The following GFRA2 variants were observed in gnomAD, a reference collection of about 807,000 sequenced individuals.
GFRA2 encodes GDNF family receptor alpha 2, also known as GDNF family receptor alpha-2.
A neutral mutation model predicts 48.3 loss-of-function variants in GFRA2; 17 were observed. That is an observed-to-expected ratio of 0.35 (90% confidence interval 0.24 to 0.53). The LOEUF is 0.53. Among genes scored for constraint, GFRA2 ranks in the 20% least tolerant of loss-of-function variants. The pLI is 0.93. For missense variants in GFRA2, 660 were observed against 637.3 expected (o/e 1.04, Z -0.38); for synonymous variants, 305 against 257.2 (o/e 1.19, Z -1.78).
At chr8:21,737,663 C>A (rs906898330) in intron 4 of GFRA2, among the ~76,000 whole-genome samples, 2 of 152,160 alleles carry the variant, frequency 1.3e-5, no homozygotes, top group African/African-American at 4.8e-5. Flanking sequence ...CCTGCCTCCC[C>A]CTCCTGTCCT....
intron 4 of GFRA2, among the ~76,000 whole-genome samples, chr8:21,723,307 G>T (rs1803693955): frequency 6.6e-6 from 1 of 152,142 alleles, no homozygotes; most frequent in South Asian, 2.1e-4. Flanking sequence ...TTCTACTGGG[G>T]TCTCTCTCAC....
upstream of GFRA2, among the ~76,000 whole-genome samples, chr8:21,791,382 C>T (rs370422506): frequency 2.0e-5 from 3 of 152,282 alleles, 1 homozygote; most frequent in African/African-American, 7.2e-5. Flanking sequence ...CAGCATTCAG[C>T]TTGTGTGACT....
chr8:21,720,686 T>G (rs965790839), intron 4 of GFRA2, among the ~76,000 whole-genome samples: 1 of 152,218 alleles, frequency 6.6e-6, no homozygotes, highest in Non-Finnish European at 1.5e-5. Context: ...CTTCCCTTGC[T>G]GAGAAAGCCT....
intron 3 of GFRA2, among the ~76,000 whole-genome samples, chr8:21,753,098 C>T (rs938004397): frequency 6.6e-6 from 1 of 152,180 alleles, no homozygotes; most frequent in African/African-American, 2.4e-5. Flanking sequence ...GGCTCCAAAG[C>T]CCCCCTTGGA....
chr8:21,766,515 G>A (rs1327705082), intron 3 of GFRA2, among the ~76,000 whole-genome samples: 1 of 151,698 alleles, frequency 6.6e-6, no homozygotes, highest in African/African-American at 2.4e-5. Context: ...AGCTCCCCGA[G>A]TTAGCGCGGA....
chr8:21,799,312 G>A (rs980869517), intron 2 of GFRA2, among the ~76,000 whole-genome samples: 3 of 151,910 alleles, frequency 2.0e-5, no homozygotes, highest in African/African-American at 7.3e-5. Flanking sequence ...CCGCCTCCTG[G>A]GTTCACGCCA....
At chr8:21,736,561 T>C (rs973196603) in intron 4 of GFRA2, among the ~76,000 whole-genome samples, 2 of 152,054 alleles carry the variant, frequency 1.3e-5, no homozygotes, top group African/African-American at 4.8e-5. Context: ...AGTGGCAAGA[T>C]CATAGCTCAC....
chr8:21,718,364 G>A (rs1803435100), intron 4 of GFRA2, among the ~76,000 whole-genome samples: 1 of 152,200 alleles, frequency 6.6e-6, no homozygotes, highest in Admixed American at 6.5e-5. Flanking sequence ...GGAACCGTAA[G>A]TCCGGTTAAA....
At chr8:21,762,241 C>G (rs1467529188) in intron 3 of GFRA2, among the ~76,000 whole-genome samples, 2 of 152,132 alleles carry the variant, frequency 1.3e-5, no homozygotes, top group Non-Finnish European at 2.9e-5. Flanking sequence ...GAACACCATA[C>G]CATCTAGCTG....
intron 4 of GFRA2, among the ~76,000 whole-genome samples, chr8:21,725,753 C>T (rs991659228): frequency 6.6e-6 from 1 of 152,144 alleles, no homozygotes; most frequent in African/African-American, 2.4e-5. Flanking sequence ...AAGTGTGGGG[C>T]CTGGACTTGA....
At chr8:21,760,403 G>A (rs1805845498) in intron 3 of GFRA2, among the ~76,000 whole-genome samples, 1 of 152,160 alleles carries the variant, frequency 6.6e-6, no homozygotes, top group Non-Finnish European at 1.5e-5. Flanking sequence ...AACCCATTCT[G>A]CATATAATTT....
At chr8:21,776,972 C>G (rs1250123168) in intron 2 of GFRA2, among the ~76,000 whole-genome samples, 1 of 152,170 alleles carries the variant, frequency 6.6e-6, no homozygotes, top group Admixed American at 6.5e-5. Flanking sequence ...ATCACTTTTA[C>G]AATAAAAATA....
intron 4 of GFRA2, among the ~76,000 whole-genome samples, chr8:21,743,475 T>C (rs1804852442): frequency 6.6e-6 from 1 of 152,194 alleles, no homozygotes; most frequent in African/African-American, 2.4e-5. Flanking sequence ...CAATTGTAGC[T>C]ACAATGGTAG....
At chr8:21,720,338 T>C (rs1455448754) in intron 4 of GFRA2, among the ~76,000 whole-genome samples, 1 of 152,138 alleles carries the variant, frequency 6.6e-6, no homozygotes, top group African/African-American at 2.4e-5. Context: ...GGGTATAGCC[T>C]AGGCCAACTC....
Position 21,774,979 on chromosome 8 carries a change from G to T in GFRA2, c.432C>A (p.Ile144=), listed in dbSNP as rs1806624625. Reference sequence around the variant, plus strand: ...CAGTGCGAGCTCACTTACCTGAGAAGATTGAAGCAAGCCTGAAGATGTCCG... The same window carrying T: ...CAGTGCGAGCTCACTTACCTGAGAATATTGAAGCAAGCCTGAAGATGTCCG... ...RLSDIFRLAS[I]FSGTGADPVV... is the part of the protein sequence containing the mutation. The change falls in exon 3 of 9, where the codon ATC becomes ATA. Residue 144 remains isoleucine (I), a synonymous_variant. Coordinates refer to ENST00000524240, the MANE Select transcript of GFRA2 (RefSeq NM_001495.5). The T allele has an allele frequency of 1.9e-6, 3 of 1,585,730 alleles. No individual in the cohort carries two copies. Among genetic ancestry groups the T allele is most frequent in the Admixed American group, 1.7e-5 (1 of 59,950 alleles).
chr8:21,720,563 G>T (rs1803545882), intron 4 of GFRA2, among the ~76,000 whole-genome samples: 1 of 152,128 alleles, frequency 6.6e-6, no homozygotes, highest in African/African-American at 2.4e-5. Context: ...CCATGATCAG[G>T]ATGTACTGAT....
intron 4 of GFRA2, among the ~76,000 whole-genome samples, chr8:21,711,317 A>AAG (rs1234394765): frequency 6.6e-6 from 1 of 152,160 alleles, no homozygotes; most frequent in Non-Finnish European, 1.5e-5. Context: ...GACAGAGAGA[A>AAG]AGAGAGAGAG....
chr8:21,809,951 G>A (rs1047276058), intron 1 of GFRA2, among the ~76,000 whole-genome samples: 1 of 152,104 alleles, frequency 6.6e-6, no homozygotes, highest in Admixed American at 6.5e-5. Context: ...AGTACCTTAA[G>A]CCACCAGATG....
chr8:21,782,126 G>A (rs902653527), intron 2 of GFRA2, among the ~76,000 whole-genome samples: 14 of 152,108 alleles, frequency 9.2e-5, no homozygotes, highest in African/African-American at 3.4e-4. Flanking sequence ...AGCGGAAGTG[G>A]CTGGTTTCTC....
Sources: allele counts gnomAD v4.1 joint callset (sites outside exome capture counted in the v4.1 genomes callset), GRCh38; gene constraint gnomAD v4.1.1; transcripts MANE v1.5; gene names NCBI Gene and HGNC (gene_info 2026-07-23, HGNC 2026-07-21).